Variants in SORL1-AS1 observed in about 807,000 individuals in gnomAD.
The protein encoded by SORL1-AS1 is SORL1 antisense RNA 1.
downstream of SORL1-AS1, among the ~76,000 whole-genome samples, chr11:121,445,639 A>G (rs1591537042): frequency 6.6e-6 from 1 of 151,886 alleles, no homozygotes; most frequent in South Asian, 2.1e-4. Flanking sequence ...TCCCGGAACC[A>G]GAGCACTTTA....
At chr11:121,444,633 G>A (rs1419105136), downstream of SORL1-AS1, among the ~76,000 whole-genome samples, 3 of 152,224 alleles carry the variant, frequency 2.0e-5, no homozygotes, top group Non-Finnish European at 4.4e-5. Context: ...TGGAAGAGGG[G>A]TGGAAGGGTG....
At chr11:121,445,767 T>C (rs141116979), downstream of SORL1-AS1, among the ~76,000 whole-genome samples, 797 of 152,192 alleles carry the variant, frequency 5.2e-3, 7 homozygotes, top group African/African-American at 0.018. Context: ...CTCATCTTTT[T>C]TCCCCCCAAG....
At chr11:121,442,337 A>G (rs1194794514), downstream of SORL1-AS1, among the ~76,000 whole-genome samples, 2 of 152,156 alleles carry the variant, frequency 1.3e-5, no homozygotes, top group Non-Finnish European at 2.9e-5. Flanking sequence ...AGAGCTAGGG[A>G]TTAAGACTCA....
chr11:121,441,094 A>T, the SORL1-AS1 span, among the ~76,000 whole-genome samples: 1 of 152,122 alleles, frequency 6.6e-6, no homozygotes, highest in Admixed American at 6.5e-5. Context: ...CTTGCCTACT[A>T]ATTTTTAGGC....
At chr11:121,444,436 G>C (rs1322056440), downstream of SORL1-AS1, among the ~76,000 whole-genome samples, 1 of 152,170 alleles carries the variant, frequency 6.6e-6, no homozygotes, top group Non-Finnish European at 1.5e-5. Context: ...AAGAAACTTA[G>C]GCTCTGAGAA....
At position 121,452,678 on chromosome 11, in the gene SORL1-AS1, C is replaced by T. The variant is rs1860823641; in HGVS notation, n.336G>A. On this transcript the variant is annotated non_coding_transcript_exon_variant, in exon 1 of 2. Transcript: ENST00000501964. This position sits in a 1 kb window ranked among gnomAD's most constrained non-coding sequence, Gnocchi z 5.3. Reference sequence around the variant, plus strand: ...TCCTCTCCCTGCACTTCCTCACCCCCGCATCCATCCGTTGCAGTCGCCTCC... The same window carrying T: ...TCCTCTCCCTGCACTTCCTCACCCCTGCATCCATCCGTTGCAGTCGCCTCC... 1.5e-6 allele frequency: 2 copies of T among 1,343,988 alleles called. No homozygotes were observed. The highest frequency in any genetic ancestry group is 1.9e-6 in the Non-Finnish European group (2 of 1,041,468). The allele number at this position is 1,343,988 out of a possible 1,614,324, so 83.3% of individuals were successfully genotyped here. A position where few individuals can be genotyped will look rare whatever the true frequency, so the allele number is the denominator to read the frequency against.
At chr11:121,449,703 G>A (rs1860765947) in exon 2 of SORL1-AS1, 1 of 152,176 alleles carries the variant, frequency 6.6e-6, no homozygotes, top group East Asian at 1.9e-4. Context: ...TACCTCATCT[G>A]ATACTCTCAG....
chr11:121,439,430 T>G, the SORL1-AS1 span, among the ~76,000 whole-genome samples: 3 of 151,900 alleles, frequency 2.0e-5, no homozygotes, highest in African/African-American at 7.2e-5. Context: ...TGATTGTCCT[T>G]TTATTACTGA....
chr11:121,443,814 G>T (rs1237855357), downstream of SORL1-AS1, among the ~76,000 whole-genome samples: 1 of 152,206 alleles, frequency 6.6e-6, no homozygotes, highest in Non-Finnish European at 1.5e-5. Context: ...TAGCTGGAGT[G>T]GGCTTGCTTG....
chr11:121,452,456 T>C lies in SORL1-AS1; in HGVS notation n.339+219A>G. 1.3e-6 allele frequency: 2 copies of C among 1,510,286 alleles called. No homozygotes were observed. The highest frequency in any genetic ancestry group is 1.8e-6 in the Non-Finnish European group (2 of 1,130,886). The allele number at this position is 1,510,286 out of a possible 1,614,324, so 93.6% of individuals were successfully genotyped here. On this transcript the variant is annotated intron_variant and non_coding_transcript_variant, in intron 1 of 1. Coordinates refer to ENST00000501964, the Ensembl canonical transcript of SORL1-AS1. This position sits in a 1 kb window ranked among gnomAD's most constrained non-coding sequence, Gnocchi z 5.3. ...AGGCTGCACGGCGGCAGCGCGCCCT[T>C]GCCCCAGGACCGGGGCTTCCTCGTG... is the stretch of plus-strand genomic sequence containing the variant.
chr11:121,441,021 TA>T, the SORL1-AS1 span, among the ~76,000 whole-genome samples: 1 of 152,212 alleles, frequency 6.6e-6, no homozygotes, highest in Admixed American at 6.5e-5. Context: ...GTTGCAGAAG[TA>T]ACTATTTACC....
chr11:121,448,253 T>C (rs1251264804), exon 2 of SORL1-AS1: 1 of 152,274 alleles, frequency 6.6e-6, no homozygotes, highest in African/African-American at 2.4e-5. Context: ...TTTAATTTAA[T>C]CAAGAGTGAG....
At position 121,452,490 on chromosome 11, in the gene SORL1-AS1, C is replaced by A; in HGVS notation, n.339+185G>T. On this transcript the variant is annotated intron_variant and non_coding_transcript_variant, in intron 1 of 1. Coordinates refer to ENST00000501964, the Ensembl canonical transcript of SORL1-AS1. The surrounding 1 kb of genome is among the most constrained non-coding windows in gnomAD (Gnocchi z 5.3). Reference sequence around the variant, plus strand: ...ACCGGGGCTTCCTCGTGGTGCAGGGCGACCCGCGCGAGCTGCGGCTGTGGG... The same window carrying A: ...ACCGGGGCTTCCTCGTGGTGCAGGGAGACCCGCGCGAGCTGCGGCTGTGGG... 1 of 1,485,386 alleles carries A rather than the reference C, an allele frequency of 6.7e-7. No homozygotes were observed. Among genetic ancestry groups the A allele is most frequent in the Non-Finnish European group, 8.9e-7 (1 of 1,120,142 alleles). The allele number at this position is 1,485,386 out of a possible 1,614,324, so 92.0% of individuals were successfully genotyped here.
chr11:121,452,454 C>T lies in SORL1-AS1; in HGVS notation n.339+221G>A. The T allele has an allele frequency of 6.6e-7, 1 of 1,509,992 alleles. No homozygotes were observed. Among genetic ancestry groups the T allele is most frequent in the Non-Finnish European group, 8.8e-7 (1 of 1,130,750 alleles). The allele number at this position is 1,509,992 out of a possible 1,614,324, so 93.5% of individuals were successfully genotyped here. A position where few individuals can be genotyped will look rare whatever the true frequency, so the allele number is the denominator to read the frequency against. Reference sequence around the variant, plus strand: ...AGAGGCTGCACGGCGGCAGCGCGCCCTTGCCCCAGGACCGGGGCTTCCTCG... The same window carrying T: ...AGAGGCTGCACGGCGGCAGCGCGCCTTTGCCCCAGGACCGGGGCTTCCTCG... On this transcript the variant is annotated intron_variant and non_coding_transcript_variant, in intron 1 of 1. Coordinates refer to ENST00000501964, the Ensembl canonical transcript of SORL1-AS1. The surrounding 1 kb of genome is among the most constrained non-coding windows in gnomAD (Gnocchi z 5.3).
At chr11:121,443,851 C>G (rs987840811), downstream of SORL1-AS1, among the ~76,000 whole-genome samples, 2 of 152,204 alleles carry the variant, frequency 1.3e-5, no homozygotes, top group Non-Finnish European at 2.9e-5. Context: ...CCAGCAGACC[C>G]AGCAGGCTGA....
chr11:121,441,186 A>G, the SORL1-AS1 span, among the ~76,000 whole-genome samples: 1 of 152,124 alleles, frequency 6.6e-6, no homozygotes, highest in Non-Finnish European at 1.5e-5. Flanking sequence ...TTCTAAAGGG[A>G]AAAGAACCCT....
rs1478340884 is a variant in SORL1-AS1 at position 121,452,504 on chromosome 11, T to G, written n.339+171A>C. On this transcript the variant is annotated intron_variant and non_coding_transcript_variant, in intron 1 of 1. Coordinates refer to ENST00000501964, the Ensembl canonical transcript of SORL1-AS1. This position sits in a 1 kb window ranked among gnomAD's most constrained non-coding sequence, Gnocchi z 5.3. ...GTGGTGCAGGGCGACCCGCGCGAGC[T>G]GCGGCTGTGGGCGCGCGGGGATGCC... 4 of 1,479,484 alleles carry G rather than the reference T, an allele frequency of 2.7e-6. No homozygotes were observed. The allele number at this position is 1,479,484 out of a possible 1,614,324, so 91.6% of individuals were successfully genotyped here. A position where few individuals can be genotyped will look rare whatever the true frequency, so the allele number is the denominator to read the frequency against.
the SORL1-AS1 span, among the ~76,000 whole-genome samples, chr11:121,439,841 T>A: frequency 1.3e-5 from 2 of 152,238 alleles, no homozygotes; most frequent in Non-Finnish European, 2.9e-5. Flanking sequence ...TTCCAGACAT[T>A]GCTGCCACAA....
Position 121,452,455 on chromosome 11 carries a change from T to G in SORL1-AS1, n.339+220A>C, listed in dbSNP as rs746225292. 6.6e-7 allele frequency: 1 copy of G among 1,510,276 alleles called. No homozygotes were observed. The highest frequency in any genetic ancestry group is 8.8e-7 in the Non-Finnish European group (1 of 1,130,876). 93.6% of individuals were successfully genotyped at this position (1,510,276 alleles called of 1,614,324 possible). A position where few individuals can be genotyped will look rare whatever the true frequency, so the allele number is the denominator to read the frequency against. Reference sequence around the variant, plus strand: ...GAGGCTGCACGGCGGCAGCGCGCCCTTGCCCCAGGACCGGGGCTTCCTCGT... The same window carrying G: ...GAGGCTGCACGGCGGCAGCGCGCCCGTGCCCCAGGACCGGGGCTTCCTCGT... On this transcript the variant is annotated intron_variant and non_coding_transcript_variant, in intron 1 of 1. Transcript: ENST00000501964. This position sits in a 1 kb window ranked among gnomAD's most constrained non-coding sequence, Gnocchi z 5.3.
Sources: gnomAD v4.1 joint callset for allele counts (sites outside exome capture counted in the v4.1 genomes callset) on GRCh38, gnomAD v4.1.1 for gene constraint, Gnocchi (gnomAD v3.1) non-coding constraint, MANE v1.5 for transcripts, NCBI Gene and HGNC (gene_info 2026-07-23, HGNC 2026-07-21) for gene names.